Variants in GARIN5B observed in about 807,000 individuals in gnomAD.
GARIN5B encodes golgi associated RAB2 interactor family member 5B, also known as Golgi-associated RAB2 interactor protein 5B.
chr19:55,361,390 A>C, the GARIN5B span: 2 of 1,533,334 alleles, frequency 1.3e-6, no homozygotes, highest in African/African-American at 1.4e-5. Context: ...AGGTCCTGAC[A>C]AACAGCAGGG....
the GARIN5B span, chr19:55,358,925 C>T: frequency 1.9e-6 from 3 of 1,551,112 alleles, no homozygotes; most frequent in Non-Finnish European, 2.6e-6. Context: ...AAGCTTCGCC[C>T]AGTGGGCCCA....
the GARIN5B span, chr19:55,362,901 A>C: frequency 6.7e-7 from 1 of 1,491,272 alleles, no homozygotes; most frequent in Non-Finnish European, 8.9e-7. Flanking sequence ...GCCCCGGGGC[A>C]CTGGGAACTG....
At chr19:55,361,153 C>A in the GARIN5B span, 1 of 1,551,266 alleles carries the variant, frequency 6.4e-7, no homozygotes. Flanking sequence ...CCCTTGGGCC[C>A]ACACCACCCC....
the GARIN5B span, chr19:55,363,074 G>A: frequency 6.7e-7 from 1 of 1,494,618 alleles, no homozygotes; most frequent in Admixed American, 2.9e-5. The surrounding 1 kb of genome is among the most constrained non-coding windows in gnomAD (Gnocchi z 4.0). Context: ...CATGGTGGCT[G>A]TGGTGGATGG....
chr19:55,362,232 G>A, the GARIN5B span: 1 of 1,516,548 alleles, frequency 6.6e-7, no homozygotes, highest in Non-Finnish European at 8.8e-7. Flanking sequence ...GGTCTGTGGA[G>A]CTGGGATCCC....
At chr19:55,362,878 T>C in the GARIN5B span, 1 of 1,476,904 alleles carries the variant, frequency 6.8e-7, no homozygotes, top group Non-Finnish European at 9.0e-7. Flanking sequence ...TTGCTTCCCC[T>C]CTGTCCCTCT....
the GARIN5B span, chr19:55,359,087 G>T: frequency 1.0e-5 from 16 of 1,551,106 alleles, no homozygotes; most frequent in South Asian, 1.7e-4. Flanking sequence ...TGTCTCCTGG[G>T]TGCGCACCGT....
At chr19:55,361,907 T>TC in the GARIN5B span, among the ~76,000 whole-genome samples, 1 of 86,122 alleles carries the variant, frequency 1.2e-5, no homozygotes, top group African/African-American at 8.1e-5. Context: ...AGCTCCTCCG[T>TC]CAGACCCAGG....
the GARIN5B span, chr19:55,362,954 AG>A: frequency 6.7e-7 from 1 of 1,503,464 alleles, no homozygotes; most frequent in Admixed American, 2.5e-5. Context: ...CAGCGGACGG[AG>A]GGGCAGGTAC....
the GARIN5B span, chr19:55,359,864 A>AG: frequency 6.4e-7 from 1 of 1,551,518 alleles, no homozygotes; most frequent in Admixed American, 2.0e-5. Flanking sequence ...GCACGGGTCC[A>AG]GGGAGCTGCA....
At chr19:55,359,763 C>T in the GARIN5B span, 2 of 1,551,296 alleles carry the variant, frequency 1.3e-6, no homozygotes, top group Admixed American at 2.0e-5. Context: ...GAGAGGCAGG[C>T]AGCCGGGGGA....
chr19:55,355,545 C>T, the GARIN5B span, among the ~76,000 whole-genome samples: 1 of 152,102 alleles, frequency 6.6e-6, no homozygotes, highest in Non-Finnish European at 1.5e-5. Context: ...GAGGCGGAAT[C>T]AATGAGTCTT....
At chr19:55,361,066 T>G in the GARIN5B span, 173 of 1,550,772 alleles carry the variant, frequency 1.1e-4, no homozygotes, top group Non-Finnish European at 1.5e-4. Context: ...GGGCACAGAG[T>G]CGCCCACGGC....
the GARIN5B span, chr19:55,360,744 G>C: frequency 3.2e-6 from 5 of 1,551,766 alleles, no homozygotes; most frequent in Admixed American, 7.8e-5. Context: ...TGCTGAAGAT[G>C]GTCCAGGTGG....
chr19:55,362,233 C>G, the GARIN5B span: 1 of 1,517,104 alleles, frequency 6.6e-7, no homozygotes, highest in Non-Finnish European at 8.8e-7. Flanking sequence ...GTCTGTGGAG[C>G]TGGGATCCCA....
the GARIN5B span, chr19:55,358,430 G>A: frequency 1.3e-6 from 2 of 1,511,946 alleles, no homozygotes; most frequent in Admixed American, 2.2e-5. Context: ...AGGCGCCTGG[G>A]AGATTCCTTC....
the GARIN5B span, among the ~76,000 whole-genome samples, chr19:55,356,888 T>G: frequency 3.3e-5 from 5 of 151,880 alleles, no homozygotes; most frequent in African/African-American, 1.2e-4. Context: ...CCGTCTCCAC[T>G]AAAAATACAA....
the GARIN5B span, chr19:55,359,919 G>A: frequency 2.6e-6 from 4 of 1,551,298 alleles, no homozygotes; most frequent in Non-Finnish European, 3.5e-6. Context: ...GAGACACAGT[G>A]TGAAGGGCTC....
At chr19:55,358,350 T>A in the GARIN5B span, 2 of 1,524,312 alleles carry the variant, frequency 1.3e-6, no homozygotes, top group African/African-American at 2.8e-5. Flanking sequence ...GTGGCCTCCA[T>A]CTTTGAGATG....
Sources: allele counts gnomAD v4.1 joint callset (sites outside exome capture counted in the v4.1 genomes callset), GRCh38; gene constraint gnomAD v4.1.1; non-coding constraint Gnocchi (gnomAD v3.1); transcripts MANE v1.5; gene names NCBI Gene and HGNC (gene_info 2026-07-23, HGNC 2026-07-21).